Variants in TSPEAR observed in about 807,000 individuals in gnomAD.
The protein encoded by TSPEAR is thrombospondin-type laminin G domain and EAR repeat-containing protein.
A neutral mutation model predicts 71.6 loss-of-function variants in TSPEAR; 69 were observed. The ratio of observed to expected loss-of-function variants is 0.96; its 90% CI spans 0.79 to 1.18. The LOEUF is 1.18. TSPEAR is among the 50% of genes most tolerant of loss of function. The probability of loss-of-function intolerance (pLI) is 0.00; values close to 1 mark genes in which losing one functional copy is unlikely to be tolerated. For synonymous variants in TSPEAR, 402 were observed against 387.2 expected, an observed-to-expected ratio of 1.04 and a Z score of -0.45; for missense variants, 971 against 894.9, an observed-to-expected ratio of 1.09 and a Z score of -1.09.
At position 44,591,826 on chromosome 21, in the gene TSPEAR, G is replaced by A. The variant is rs782574640; in HGVS notation, c.83-23821C>T. ...GCAGGCCTGCTGGCAGGGGGAGGAG[G>A]TGCAGCAAGTTGGCTGGCAGCTAGA... is the stretch of plus-strand genomic sequence containing the variant. On this transcript the variant is annotated intron_variant, in intron 1 of 11. Coordinates refer to ENST00000323084, the MANE Select transcript of TSPEAR (RefSeq NM_144991.3). 1.9e-6 allele frequency: 3 copies of A among 1,598,192 alleles called. No individual in the cohort carries two copies. The African/African-American group carries it at 4.2e-5, about 22-fold the overall frequency.
chr21:44,590,212 G>C lies in TSPEAR; in HGVS notation c.83-22207C>G, dbSNP rs587734818. On this transcript the variant is annotated intron_variant, in intron 1 of 11. Coordinates refer to ENST00000323084, the MANE Select transcript of TSPEAR (RefSeq NM_144991.3). ...TTTGCTGGGGCAGGAGGCAGACCTG[G>C]GCTCTCAAATGCACACAGCGACCTG... Among the ~76,000 whole-genome samples, 7 of 152,372 alleles carry C rather than the reference G, an allele frequency of 4.6e-5. No homozygotes were observed. The East Asian group carries it at 1.4e-3, about 29-fold the overall frequency.
At chr21:44,599,172 C>CTCTCTCTCTCTCTCTCTCA in intron 1 of TSPEAR, among the ~76,000 whole-genome samples, 1 of 145,952 alleles carries the variant, frequency 6.9e-6, no homozygotes, top group Non-Finnish European at 1.5e-5. Context: ...CTCTCTCTCT[C>CTCTCTCTCTCTCTCTCTCA]CTTCCATCCC....
chr21:44,677,387 G>T, intron 1 of TSPEAR: 1 of 1,377,098 alleles, frequency 7.3e-7, no homozygotes, highest in Non-Finnish European at 1.0e-6. Context: ...TGACAGCCTG[G>T]ACCACAGTGT....
chr21:44,578,283 G>A (rs1466439129), intron 1 of TSPEAR, among the ~76,000 whole-genome samples: 3 of 152,182 alleles, frequency 2.0e-5, no homozygotes, highest in African/African-American at 7.2e-5. Context: ...ACATTCAACA[G>A]CTTAGATGAA....
intron 1 of TSPEAR, chr21:44,580,199 T>C: frequency 6.2e-7 from 1 of 1,613,820 alleles, no homozygotes; most frequent in African/African-American, 1.3e-5. Flanking sequence ...GCAGGACTGC[T>C]GGCAGGAGGA....
At chr21:44,579,335 G>C (rs1978704348) in intron 1 of TSPEAR, 1 of 230,964 alleles carries the variant, frequency 4.3e-6, no homozygotes, top group African/African-American at 2.3e-5. Flanking sequence ...CCCTGGAGGA[G>C]TTAGGCCACT....
chr21:44,631,089 A>AAAT (rs1555935627), intron 1 of TSPEAR, among the ~76,000 whole-genome samples: 3 of 151,894 alleles, frequency 2.0e-5, no homozygotes, highest in Non-Finnish European at 4.4e-5. Context: ...AAGAAAAAAA[A>AAAT]GCCAAGTAGT....
intron 1 of TSPEAR, among the ~76,000 whole-genome samples, chr21:44,635,131 G>C (rs1555936397): frequency 6.6e-6 from 1 of 152,078 alleles, no homozygotes; most frequent in Non-Finnish European, 1.5e-5. Flanking sequence ...GATCACTTGA[G>C]GTCAGGAGTT....
At position 44,539,425 on chromosome 21, in the gene TSPEAR, G is replaced by A. The variant is rs139848345; in HGVS notation, c.304-5502C>T. 2,366 of 1,602,894 alleles carry A rather than the reference G, an allele frequency of 1.5e-3. 22 individuals carry two copies. The African/African-American group carries it at 0.02, about 14-fold the overall frequency. Reference sequence around the variant, plus strand: ...AGGAGGAGACAGGCATACAGCAGGCGGGCCGGCATACAGGGCGGCAGAGGA... The same window carrying A: ...AGGAGGAGACAGGCATACAGCAGGCAGGCCGGCATACAGGGCGGCAGAGGA... On this transcript the variant is annotated intron_variant, in intron 2 of 11. Transcript: ENST00000323084.
At position 44,567,927 on chromosome 21, in the gene TSPEAR, TG is replaced by T. The variant is rs1555921959; in HGVS notation, c.160del (p.His54ThrfsTer10). ...TGAGAGCTGGAGTCCCCGTGCACCG[TG>T]AACCTGAACTATCCTGATCCCGCTT... ...ATSGIRIVQV[H>X]GARGLQLSVA... On this transcript the variant is annotated frameshift_variant, in exon 2 of 12. Coordinates refer to ENST00000323084, the MANE Select transcript of TSPEAR (RefSeq NM_144991.3). LOFTEE classifies it high-confidence loss of function. 8 of 1,603,354 alleles carry T rather than the reference TG, an allele frequency of 5.0e-6. No individual in the cohort carries two copies. In the South Asian group the frequency reaches 8.9e-5, roughly 18 times the overall value.
chr21:44,530,790 G>C (rs1158569041), intron 4 of TSPEAR, among the ~76,000 whole-genome samples: 2 of 152,238 alleles, frequency 1.3e-5, no homozygotes, highest in African/African-American at 4.8e-5. Context: ...AGGGCAGAGT[G>C]TGGGCATCAG....
At chr21:44,673,575 A>C (rs1435497013) in intron 1 of TSPEAR, among the ~76,000 whole-genome samples, 1 of 152,184 alleles carries the variant, frequency 6.6e-6, no homozygotes, top group Non-Finnish European at 1.5e-5. Context: ...ACAACAACAA[A>C]AAAATTGGAT....
intron 1 of TSPEAR, among the ~76,000 whole-genome samples, chr21:44,696,188 C>A (rs1418718640): frequency 6.6e-6 from 1 of 152,160 alleles, no homozygotes; most frequent in Non-Finnish European, 1.5e-5. Context: ...TTTTTTATAG[C>A]TAGACCCAAC....
chr21:44,693,119 T>C (rs967132945), intron 1 of TSPEAR, among the ~76,000 whole-genome samples: 1 of 152,128 alleles, frequency 6.6e-6, no homozygotes, highest in Non-Finnish European at 1.5e-5. Context: ...AAGAATAATC[T>C]CTTCAACAAA....
chr21:44,578,568 C>T (rs1408585232), intron 1 of TSPEAR, among the ~76,000 whole-genome samples: 2 of 152,160 alleles, frequency 1.3e-5, no homozygotes, highest in South Asian at 2.1e-4. Flanking sequence ...TGAGGCCTCA[C>T]GGGTGGCAGG....
At chr21:44,693,144 C>G (rs1987188959) in intron 1 of TSPEAR, among the ~76,000 whole-genome samples, 1 of 152,032 alleles carries the variant, frequency 6.6e-6, no homozygotes, top group South Asian at 2.1e-4. Context: ...GTTAGGAAAA[C>G]TAGATTTACA....
chr21:44,514,561 A>C (rs932948924), intron 9 of TSPEAR, among the ~76,000 whole-genome samples: 9 of 152,198 alleles, frequency 5.9e-5, no homozygotes, highest in Non-Finnish European at 1.0e-4. Context: ...GGAAGCTGCA[A>C]CACCTTCTGA....
chr21:44,526,060 T>C (rs2052849143), intron 7 of TSPEAR: 1 of 446,712 alleles, frequency 2.2e-6, no homozygotes, highest in Admixed American at 3.6e-5. Context: ...CCATATTCTT[T>C]ACCCAATATT....
At chr21:44,578,506 C>T (rs1172250394) in intron 1 of TSPEAR, among the ~76,000 whole-genome samples, 2 of 152,082 alleles carry the variant, frequency 1.3e-5, no homozygotes, top group African/African-American at 2.4e-5. Flanking sequence ...TCCAGAAAAC[C>T]GTGGGGTAGA....
Sources: allele counts gnomAD v4.1 joint callset (sites outside exome capture counted in the v4.1 genomes callset), GRCh38; gene constraint gnomAD v4.1.1; transcripts MANE v1.5; gene names NCBI Gene and HGNC (gene_info 2026-07-23, HGNC 2026-07-21).